H2AC8: variants seen among roughly 807,000 people sequenced by gnomAD.
H2AC8 encodes histone H2A type 1-B/E.
In H2AC8, 9 loss-of-function variants were observed where a neutral mutation model predicts 6.3. The observed-to-expected ratio is 1.43, with a 90% CI of 0.86 to 2.49. The LOEUF (loss-of-function observed/expected upper bound fraction) is 2.49, where lower values mean the gene tolerates loss of function less well. Among genes scored for constraint, H2AC8 ranks in the 30% most tolerant of loss-of-function variants. H2AC8 has a pLI of 0.00. For synonymous variants in H2AC8, 176 were observed against 79.6 expected (o/e 2.21, Z -6.45); for missense variants, 141 against 177.5 (o/e 0.79, Z 1.17).
chr6:26,217,079 C>T (rs753800823), exon 1 of H2AC8: 7 of 1,614,210 alleles, frequency 4.3e-6, no homozygotes, highest in South Asian at 2.2e-5. Context: ...ACCGCCTCCT[C>T]CGCAAAGGCA....
chr6:26,216,976 T>A (rs143464442), exon 1 of H2AC8: 4 of 1,614,166 alleles, frequency 2.5e-6, no homozygotes, highest in Non-Finnish European at 3.4e-6. Flanking sequence ...GAAGCCACTA[T>A]GTCTGGACGT....
exon 1 of H2AC8, chr6:26,217,406 C>G (rs753344841): frequency 6.3e-7 from 1 of 1,592,354 alleles, no homozygotes; most frequent in Non-Finnish European, 8.5e-7. Context: ...TCCCGAGTCC[C>G]AGAAACCAAA....
chr6:26,217,253 G>T, exon 1 of H2AC8: 1 of 1,614,220 alleles, frequency 6.2e-7, no homozygotes. Context: ...ACGACGAGGA[G>T]CTAAATAAGC....
At chr6:26,216,979 C>T (rs773736328) in exon 1 of H2AC8, 5 of 1,614,150 alleles carry the variant, frequency 3.1e-6, no homozygotes, top group Non-Finnish European at 4.2e-6. Context: ...GCCACTATGT[C>T]TGGACGTGGA....
exon 1 of H2AC8, chr6:26,217,000 G>C: frequency 1.2e-6 from 2 of 1,614,194 alleles, no homozygotes; most frequent in South Asian, 1.1e-5. Flanking sequence ...AAGCAAGGCG[G>C]CAAAGCTCGG....
chr6:26,217,352 G>A lies in H2AC8; in HGVS notation c.378G>A (p.Lys126=), dbSNP rs765737154. ...CTAAGAAGACGGAGAGCCACCATAA[G>A]GCCAAGGGCAAGTGAAATGATTACT... The change falls in exon 1 of 1, where the codon AAG becomes AAA. Residue 126 remains lysine (K), a synonymous_variant. Transcript: ENST00000303910. The A allele has an allele frequency of 5.0e-6, 8 of 1,613,292 alleles. No individual in the cohort carries two copies. The South Asian group carries it at 5.5e-5, about 11-fold the overall frequency.
exon 1 of H2AC8, chr6:26,217,001 C>T: frequency 1.2e-6 from 2 of 1,614,170 alleles, no homozygotes; most frequent in African/African-American, 1.3e-5. Context: ...AGCAAGGCGG[C>T]AAAGCTCGGG....
exon 1 of H2AC8, chr6:26,217,184 G>T (rs759035850): frequency 1.2e-6 from 2 of 1,614,042 alleles, no homozygotes; most frequent in African/African-American, 1.3e-5. Flanking sequence ...CTGGCAACGC[G>T]GCTCGCGACA....
exon 1 of H2AC8, chr6:26,217,346 C>T: frequency 1.2e-6 from 2 of 1,614,026 alleles, no homozygotes; most frequent in Admixed American, 1.7e-5. Context: ...CGGAGAGCCA[C>T]CATAAGGCCA....
At chr6:26,217,139 G>C in exon 1 of H2AC8, 1 of 1,614,202 alleles carries the variant, frequency 6.2e-7, no homozygotes, top group African/African-American at 1.3e-5. Flanking sequence ...TGGCAGCGGT[G>C]CTGGAATATC....
exon 1 of H2AC8, chr6:26,217,437 AC>A (rs1280288082): frequency 6.6e-7 from 1 of 1,509,536 alleles, no homozygotes; most frequent in Non-Finnish European, 9.0e-7. Context: ...AGAGCCACCC[AC>A]CTTTTCTGTA....
chr6:26,217,425 T>C, exon 1 of H2AC8: 1 of 1,558,158 alleles, frequency 6.4e-7, no homozygotes, highest in Non-Finnish European at 8.7e-7. Flanking sequence ...AAGGCTCTTT[T>C]CAGAGCCACC....
At chr6:26,217,283 C>T in exon 1 of H2AC8, 2 of 1,614,214 alleles carry the variant, frequency 1.2e-6, no homozygotes, top group Non-Finnish European at 1.7e-6. Flanking sequence ...GCGTGACCAT[C>T]GCGCAGGGCG....
exon 1 of H2AC8, chr6:26,217,023 A>G: frequency 6.2e-7 from 1 of 1,614,072 alleles, no homozygotes; most frequent in Non-Finnish European, 8.5e-7. Flanking sequence ...AAAAGCTAAA[A>G]CGCGTTCTTC....
At chr6:26,217,419 C>G (rs778958852) in exon 1 of H2AC8, 2 of 1,577,834 alleles carry the variant, frequency 1.3e-6, no homozygotes, top group South Asian at 1.1e-5. Flanking sequence ...AAACCAAAGG[C>G]TCTTTTCAGA....
chr6:26,217,173 G>A, exon 1 of H2AC8: 1 of 1,614,206 alleles, frequency 6.2e-7, no homozygotes, highest in Non-Finnish European at 8.5e-7. Flanking sequence ...CTTAGAGCTA[G>A]CTGGCAACGC....
In H2AC8 at chr6:26,217,320, T is replaced by C. The variant is rs142931729; in HGVS notation, c.346T>C (p.Leu116=). The stretch of plus-strand genomic sequence containing the variant: ...TGTCCTGCCCAACATCCAGGCCGTA[T>C]TGCTGCCTAAGAAGACGGAGAGCCA... The change falls in exon 1 of 1, where the codon TTG becomes CTG. Residue 116 remains leucine (L), a synonymous_variant. Transcript: ENST00000303910. 5.0e-6 allele frequency: 8 copies of C among 1,614,046 alleles called. No individual in the cohort carries two copies. In the African/African-American group the frequency reaches 1.1e-4, roughly 22 times the overall value.
At chr6:26,217,230 C>T (rs200934836) in exon 1 of H2AC8, 4 of 1,614,234 alleles carry the variant, frequency 2.5e-6, no homozygotes, top group Non-Finnish European at 3.4e-6. Context: ...CCACCTGCAG[C>T]TAGCCATCCG....
At chr6:26,217,067 G>A (rs368326970) in exon 1 of H2AC8, 48 of 1,614,100 alleles carry the variant, frequency 3.0e-5, no homozygotes, top group Admixed American at 2.5e-4. Context: ...TTGGCCGTGT[G>A]CACCGCCTCC....
Sources: gnomAD v4.1 joint callset for allele counts on GRCh38, gnomAD v4.1.1 for gene constraint, MANE v1.5 for transcripts, NCBI Gene and HGNC (gene_info 2026-07-23, HGNC 2026-07-21) for gene names.